Variants in GNG10 observed in about 807,000 individuals in gnomAD.
GNG10 encodes guanine nucleotide-binding protein G(I)/G(S)/G(O) subunit gamma-10.
A neutral mutation model predicts 6.8 loss-of-function variants in GNG10; 7 were observed. The observed-to-expected ratio is 1.02, with a 90% CI of 0.58 to 1.92. The LOEUF (loss-of-function observed/expected upper bound fraction) is 1.92, where lower values mean the gene tolerates loss of function less well. GNG10 is among the 30% of genes most tolerant of loss of function. GNG10 has a pLI of 0.00. For missense variants in GNG10, 57 were observed against 86.1 expected (o/e 0.66, Z 1.34); for synonymous variants, 28 against 34.8 (o/e 0.80, Z 0.69).
rs951710306 is a variant in GNG10 at position 111,669,982 on chromosome 9, G to A, written c.*720G>A. 1.4e-4 allele frequency: 21 copies of A among 148,446 alleles called. No individual in the cohort carries two copies. Among genetic ancestry groups the A allele is most frequent in the African/African-American group, 5.0e-4 (20 of 39,830 alleles). The allele number at this position is 148,446 out of a possible 1,614,324, so 9.2% of individuals were successfully genotyped here. On this transcript the variant is annotated 3_prime_UTR_variant, in exon 3 of 3. Transcript: ENST00000374293. ...TACGTTTCTCTGCTTTGTAGTTGTG[G>A]CTGTACTTAAAGAAATACAGAATTT...
At chr9:111,666,018 A>G (rs1442300976) in intron 1 of GNG10, among the ~76,000 whole-genome samples, 1 of 150,786 alleles carries the variant, frequency 6.6e-6, no homozygotes, top group African/African-American at 2.5e-5. Flanking sequence ...TACAGGTGTG[A>G]GCCACTGCGC....
chr9:111,668,007 C>T (rs752070854), intron 2 of GNG10, among the ~76,000 whole-genome samples: 1 of 152,098 alleles, frequency 6.6e-6, no homozygotes. Context: ...CAGGCGCATG[C>T]CACCATGCCC....
At chr9:111,668,428 T>TCTCTCCCCTCCCCTC (rs1830940424) in intron 2 of GNG10, among the ~76,000 whole-genome samples, 3 of 119,448 alleles carry the variant, frequency 2.5e-5, no homozygotes, top group Non-Finnish European at 3.7e-5. Flanking sequence ...GCTTCCTTCT[T>TCTCTCCCCTCCCCTC]CCCTCCCCTC....
In GNG10 at chr9:111,669,381, G is replaced by A. The variant is rs1830964126; in HGVS notation, c.*119G>A. On this transcript the variant is annotated 3_prime_UTR_variant, in exon 3 of 3. Coordinates refer to ENST00000374293, the MANE Select transcript of GNG10 (RefSeq NM_001017998.4). The stretch of plus-strand genomic sequence containing the variant: ...TTTAGAGATATTTCAGCCCTTTCCT[G>A]TGGCCTGGTCCTATAGCCAAAATCA... 1 of 152,078 alleles carries A rather than the reference G, an allele frequency of 6.6e-6. No homozygotes were observed. Among genetic ancestry groups the A allele is most frequent in the East Asian group, 1.9e-4 (1 of 5,192 alleles). 9.4% of individuals were successfully genotyped at this position (152,078 alleles called of 1,614,324 possible). A position where few individuals can be genotyped will look rare whatever the true frequency, so the allele number is the denominator to read the frequency against.
At chr9:111,663,972 C>T (rs1042611144) in intron 1 of GNG10, among the ~76,000 whole-genome samples, 2 of 151,568 alleles carry the variant, frequency 1.3e-5, no homozygotes, top group Non-Finnish European at 2.9e-5. Flanking sequence ...GGGCACCTGC[C>T]ACCACGTCCA....
chr9:111,663,231 G>A (rs1217657028), intron 1 of GNG10, among the ~76,000 whole-genome samples: 1 of 152,206 alleles, frequency 6.6e-6, no homozygotes, highest in African/African-American at 2.4e-5. Context: ...TGTGACTGAA[G>A]ACCCAGCTGC....
chr9:111,667,015 C>G, intron 2 of GNG10, 69 bp downstream of exon 2: 1 of 1,564,752 alleles, frequency 6.4e-7, no homozygotes, highest in Non-Finnish European at 8.7e-7. Context: ...AGGACTTGAG[C>G]AACTGAGTTT....
At chr9:111,664,914 A>G (rs1475076055) in intron 1 of GNG10, among the ~76,000 whole-genome samples, 1 of 152,146 alleles carries the variant, frequency 6.6e-6, no homozygotes, top group Non-Finnish European at 1.5e-5. Flanking sequence ...GGTATATATA[A>G]CCATTAATTC....
At chr9:111,665,229 CA>C (rs143664022) in intron 1 of GNG10, among the ~76,000 whole-genome samples, 1,774 of 133,900 alleles carry the variant, frequency 0.013, 21 homozygotes, top group Non-Finnish European at 0.018. Context: ...CCTTTTAATG[CA>C]AAAAAAAAAA....
At chr9:111,668,888 G>T (rs1830954630) in intron 2 of GNG10, among the ~76,000 whole-genome samples, 1 of 151,440 alleles carries the variant, frequency 6.6e-6, no homozygotes, top group Non-Finnish European at 1.5e-5. Context: ...ACGGAGTTTT[G>T]CTCTTGTTTC....
At chr9:111,667,036 C>T (rs1830912801) in intron 2 of GNG10, 90 bp downstream of exon 2, 5 of 1,523,960 alleles carry the variant, frequency 3.3e-6, no homozygotes, top group African/African-American at 2.8e-5. Flanking sequence ...TGAATGTCTC[C>T]TATTCTTGGG....
chr9:111,663,886 TCTCAG>T (rs1242455416), intron 1 of GNG10, among the ~76,000 whole-genome samples: 2 of 151,716 alleles, frequency 1.3e-5, no homozygotes. Context: ...AATGGCATGA[TCTCAG>T]CTCACTGCAA....
intron 1 of GNG10, among the ~76,000 whole-genome samples, chr9:111,662,929 C>T (rs1414584795): frequency 1.3e-5 from 2 of 151,414 alleles, no homozygotes; most frequent in African/African-American, 2.4e-5. Flanking sequence ...AATGAAAAGC[C>T]ATGTTTTAGG....
chr9:111,663,479 G>C (rs1830855375), intron 1 of GNG10, among the ~76,000 whole-genome samples: 1 of 151,804 alleles, frequency 6.6e-6, no homozygotes, highest in Non-Finnish European at 1.5e-5. Flanking sequence ...CCTGGTGATA[G>C]GTGAGACAGA....
intron 1 of GNG10, among the ~76,000 whole-genome samples, chr9:111,666,337 A>G (rs569457057): frequency 1.2e-4 from 19 of 152,278 alleles, no homozygotes; most frequent in African/African-American, 4.3e-4. Context: ...CAGAGGCTAT[A>G]CTCCCAAATA....
chr9:111,669,168 C>T lies in GNG10; in HGVS notation c.*7-101C>T, dbSNP rs1024664537. 5 of 152,150 alleles carry T rather than the reference C, an allele frequency of 3.3e-5. No homozygotes were observed. In the East Asian group the frequency reaches 9.6e-4, roughly 29 times the overall value. 9.4% of individuals were successfully genotyped at this position (152,150 alleles called of 1,614,324 possible). A position where few individuals can be genotyped will look rare whatever the true frequency, so the allele number is the denominator to read the frequency against. ...GCCACCGCGCCTAGCTCACCTGTTG[C>T]TTTCTATTTCGTGAATACTAAAGTA... On this transcript the variant is annotated intron_variant, in intron 2 of 2. Coordinates refer to ENST00000374293, the MANE Select transcript of GNG10 (RefSeq NM_001017998.4).
chr9:111,666,765 G>C (rs768418531), intron 1 of GNG10, 50 bp from the exon 2 acceptor site: 21 of 1,584,156 alleles, frequency 1.3e-5, no homozygotes, highest in Middle Eastern at 4.6e-4. Flanking sequence ...CTTGACTGCC[G>C]GGTGGCTTGG....
chr9:111,665,362 A>G (rs533129423), intron 1 of GNG10, among the ~76,000 whole-genome samples: 10 of 152,200 alleles, frequency 6.6e-5, no homozygotes, highest in Admixed American at 6.5e-4. Flanking sequence ...TAGTGGCTTA[A>G]AAGATTTATA....
rs142002008 is a variant in GNG10, at chr9:111,667,679, C to A, written c.*6+733C>A. ...GTGTGCCTACCACCCGCTGTGATTT[C>A]TTTCCCAATGGTTTTCAGAATATAT... On this transcript the variant is annotated intron_variant, in intron 2 of 2. Transcript: ENST00000374293. Among the ~76,000 whole-genome samples the A allele has an allele frequency of 7.0e-3, 1,062 of 152,304 alleles. 7 individuals are homozygous for A. The highest frequency in any genetic ancestry group is 0.011 in the Non-Finnish European group (752 of 68,014).
Sources: gnomAD v4.1 joint callset for allele counts (sites outside exome capture counted in the v4.1 genomes callset) on GRCh38, gnomAD v4.1.1 for gene constraint, MANE v1.5 for transcripts, NCBI Gene and HGNC (gene_info 2026-07-23, HGNC 2026-07-21) for gene names.